The following FGF13 variants were observed in gnomAD, a reference collection of about 807,000 sequenced individuals.
FGF13 encodes fibroblast growth factor homologous factor 2.
A neutral mutation model predicts 19.5 loss-of-function variants in FGF13; 2 were observed. The observed-to-expected ratio is 0.10, with a 90% CI of 0.04 to 0.32. FGF13 has a LOEUF of 0.32. FGF13 is among the 10% of genes least tolerant of loss of function. The pLI is 1.00. For synonymous variants in FGF13, 72 were observed against 76.9 expected, an observed-to-expected ratio of 0.94 and a Z score of 0.33; for missense variants, 113 against 192.7, an observed-to-expected ratio of 0.59 and a Z score of 2.45.
intron 3 of FGF13, among the ~76,000 whole-genome samples, chrX:138,750,125 TG>T (rs2090387033): frequency 9.0e-6 from 1 of 111,439 alleles, no homozygotes; most frequent in Non-Finnish European, 1.9e-5. Flanking sequence ...TGGACTGCAA[TG>T]GGGAGGGGAA....
chrX:138,965,792 A>G (rs933109272), intron 1 of FGF13, among the ~76,000 whole-genome samples: 1 of 112,455 alleles, frequency 8.9e-6, no homozygotes, highest in Non-Finnish European at 1.9e-5. Flanking sequence ...CCAAACACCC[A>G]TGATGCTGGC....
At chrX:138,690,432 G>A (rs1333677995) in intron 3 of FGF13, among the ~76,000 whole-genome samples, 1 of 110,753 alleles carries the variant, frequency 9.0e-6, no homozygotes, top group African/African-American at 3.3e-5. Flanking sequence ...TGTGTCATTG[G>A]CCAAACATGT....
intron 1 of FGF13, among the ~76,000 whole-genome samples, chrX:139,157,259 G>T (rs923939610): frequency 9.0e-6 from 1 of 111,173 alleles, no homozygotes; most frequent in Non-Finnish European, 1.9e-5. Context: ...TCAAACCCAG[G>T]TATTTCTGAT....
In FGF13 at chrX:138,896,349, CTAT is replaced by C. The variant is rs199521932; in HGVS notation, c.-112-31702_-112-31700del. 4.5e-3 allele frequency among the ~76,000 whole-genome samples: 504 copies of C among 111,405 alleles called. 10 individuals are homozygous for C. The highest frequency in any genetic ancestry group is 0.041 in the Admixed American group (433 of 10,442). The stretch of plus-strand genomic sequence containing the variant: ...TTAAAAAATATACTTGAGATAAATA[CTAT>C]GATAGGGGAATTAAATATCAATAGC... On this transcript the variant is annotated intron_variant, in intron 1 of 2. Coordinates refer to the FGF13 transcript ENST00000421460.
intron 3 of FGF13, among the ~76,000 whole-genome samples, chrX:138,701,477 A>T (rs1385174263): frequency 8.9e-6 from 1 of 112,441 alleles, no homozygotes; most frequent in African/African-American, 3.2e-5. Flanking sequence ...GACGTATTTC[A>T]TGAACTTTGC....
At chrX:138,846,393 G>A (rs1009204427) in intron 3 of FGF13, among the ~76,000 whole-genome samples, 1 of 111,583 alleles carries the variant, frequency 9.0e-6, no homozygotes, top group African/African-American at 3.3e-5. Context: ...AGTCCTCTGT[G>A]AAGGTTTTAC....
intron 3 of FGF13, among the ~76,000 whole-genome samples, chrX:138,843,856 G>A (rs1213882409): frequency 9.0e-6 from 1 of 111,522 alleles, no homozygotes; most frequent in Non-Finnish European, 1.9e-5. Flanking sequence ...AGTAGCATTT[G>A]ACCTTGGTGA....
intron 1 of FGF13, among the ~76,000 whole-genome samples, chrX:139,125,061 G>GAAAATCTTTT (rs1259067778): frequency 1.8e-5 from 2 of 111,722 alleles, no homozygotes; most frequent in Non-Finnish European, 3.8e-5. Flanking sequence ...GAAACCAAAA[G>GAAAATCTTTT]AAAATCTTTT....
At chrX:138,739,960 C>G (rs763860206), upstream of FGF13, among the ~76,000 whole-genome samples, 2 of 111,826 alleles carry the variant, frequency 1.8e-5, no homozygotes, top group Non-Finnish European at 3.8e-5. Flanking sequence ...AGGCTTTTAG[C>G]TAATTATAAC....
chrX:138,763,071 G>T (rs987306127), intron 3 of FGF13, among the ~76,000 whole-genome samples: 1 of 110,759 alleles, frequency 9.0e-6, no homozygotes, highest in Non-Finnish European at 1.9e-5. Context: ...GGAGACACCT[G>T]CTTAGCTCAC....
rs149879378 is a variant in FGF13, at chrX:139,019,981, C to T, written c.-112-155331G>A. Among the ~76,000 whole-genome samples the T allele has an allele frequency of 3.9e-3, 435 of 110,163 alleles. 1 individual carries two copies. The highest frequency in any genetic ancestry group is 0.014 in the African/African-American group (410 of 30,364). On this transcript the variant is annotated intron_variant, in intron 1 of 2. Transcript: ENST00000421460. ...CATCATTAAATAGTATCACATTGAG[C>T]CCTGAAGAAGCAGTACAAAGTAATA...
At chrX:139,028,582 C>CGTGTGTGT (rs1203709668) in intron 1 of FGF13, among the ~76,000 whole-genome samples, 10,673 of 61,054 alleles carry the variant, frequency 0.17, 994 homozygotes, top group South Asian at 0.27. Context: ...GGAGAGAGAG[C>CGTGTGTGT]GTGTGTGTGT....
At chrX:139,076,732 G>A (rs1388616325) in intron 1 of FGF13, among the ~76,000 whole-genome samples, 1 of 112,022 alleles carries the variant, frequency 8.9e-6, no homozygotes, top group African/African-American at 3.2e-5. Context: ...CTGGAATCTG[G>A]CTATCACCTT....
At chrX:138,797,690 T>C (rs1289323563) in intron 3 of FGF13, among the ~76,000 whole-genome samples, 1 of 111,690 alleles carries the variant, frequency 9.0e-6, no homozygotes, top group Non-Finnish European at 1.9e-5. Context: ...TTCCTATCCA[T>C]GAGCATGGAT....
intron 1 of FGF13, among the ~76,000 whole-genome samples, chrX:139,003,421 G>A (rs973852778): frequency 8.9e-6 from 1 of 111,806 alleles, no homozygotes; most frequent in Non-Finnish European, 1.9e-5. Flanking sequence ...AAAGAACAAA[G>A]CCTCTACAGT....
intron 1 of FGF13, among the ~76,000 whole-genome samples, chrX:139,182,431 A>C (rs1380615305): frequency 8.9e-6 from 1 of 112,389 alleles, no homozygotes. Context: ...ATGTTAAATA[A>C]ATTGAAGTGT....
chrX:138,933,862 G>A (rs2091717637), intron 1 of FGF13, among the ~76,000 whole-genome samples: 1 of 111,579 alleles, frequency 9.0e-6, no homozygotes, highest in Non-Finnish European at 1.9e-5. Flanking sequence ...GGTTACTGAG[G>A]GCATTGACCA....
intron 3 of FGF13, among the ~76,000 whole-genome samples, chrX:138,826,621 T>C (rs917054611): frequency 8.9e-6 from 1 of 112,169 alleles, no homozygotes; most frequent in Non-Finnish European, 1.9e-5. Context: ...AGAATGCTGC[T>C]AAGGGATGGA....
chrX:138,939,991 C>T (rs2091750168), intron 1 of FGF13, among the ~76,000 whole-genome samples: 1 of 111,951 alleles, frequency 8.9e-6, no homozygotes, highest in Non-Finnish European at 1.9e-5. Context: ...TGAGACATCG[C>T]CATACTGCTT....
Sources: allele counts gnomAD v4.1 joint callset (sites outside exome capture counted in the v4.1 genomes callset), GRCh38; gene constraint gnomAD v4.1.1; transcripts MANE v1.5; gene names NCBI Gene and HGNC (gene_info 2026-07-23, HGNC 2026-07-21).